Variants in VPS35L observed in about 807,000 individuals in gnomAD.
VPS35L encodes VPS35 endosomal protein-sorting factor-like.
A neutral mutation model predicts 133.0 loss-of-function variants in VPS35L; 83 were observed. That is an observed-to-expected ratio of 0.62 (90% CI 0.52 to 0.75). The LOEUF (loss-of-function observed/expected upper bound fraction) is 0.75, where lower values mean the gene tolerates loss of function less well. Ranked by LOEUF, VPS35L falls within the 30% of genes least tolerant of loss-of-function variation. VPS35L has a pLI of 0.00. For synonymous variants in VPS35L, 423 were observed against 449.9 expected (o/e 0.94, Z 0.76); for missense variants, 1,083 against 1,206.8 (o/e 0.90, Z 1.52).
intron 9 of VPS35L, among the ~76,000 whole-genome samples, chr16:19,605,315 T>C (rs73533749): frequency 0.025 from 3,801 of 152,322 alleles, 158 homozygotes; most frequent in African/African-American, 0.086. Flanking sequence ...TTCTTTGTTA[T>C]ATTGAAGTGT....
chr16:19,597,701 T>C (rs1052690239), intron 8 of VPS35L, among the ~76,000 whole-genome samples: 1 of 152,198 alleles, frequency 6.6e-6, no homozygotes, highest in African/African-American at 2.4e-5. Flanking sequence ...TTTAAGTCTA[T>C]TGTGAATAAT....
intron 21 of VPS35L, 82 bp downstream of exon 21, chr16:19,640,182 T>G: frequency 7.7e-7 from 1 of 1,302,116 alleles, no homozygotes; most frequent in South Asian, 1.3e-5. Flanking sequence ...TTCTTGCACT[T>G]TGAGGCCGAG....
At chr16:19,618,891 C>A (rs549816624) in intron 14 of VPS35L, among the ~76,000 whole-genome samples, 225 of 151,444 alleles carry the variant, frequency 1.5e-3, no homozygotes, top group African/African-American at 5.2e-3. Flanking sequence ...AGATTTGGGG[C>A]CAGCGTAACT....
At chr16:19,620,900 A>C (rs985470653) in intron 14 of VPS35L, among the ~76,000 whole-genome samples, 3 of 152,138 alleles carry the variant, frequency 2.0e-5, no homozygotes, top group Non-Finnish European at 4.4e-5. Context: ...GCAGTGAGCC[A>C]AGATCACACC....
chr16:19,692,133 C>T (rs1015339973), intron 29 of VPS35L, among the ~76,000 whole-genome samples: 1 of 152,140 alleles, frequency 6.6e-6, no homozygotes, highest in African/African-American at 2.4e-5. Context: ...ACCTCGGCCT[C>T]CCAAAGTGCT....
At chr16:19,682,434 A>T (rs370726004) in intron 28 of VPS35L, 44 bp downstream of exon 28, 1 of 1,577,100 alleles carries the variant, frequency 6.3e-7, no homozygotes, top group Non-Finnish European at 8.7e-7. Context: ...CATGGATTTC[A>T]TGAAAGGCAG....
At chr16:19,679,919 G>A (rs1422164363) in intron 27 of VPS35L, among the ~76,000 whole-genome samples, 4 of 152,176 alleles carry the variant, frequency 2.6e-5, no homozygotes, top group Admixed American at 6.5e-5. Flanking sequence ...ACACATTCAC[G>A]TTGGATATAA....
chr16:19,632,951 G>A (rs1567441124), intron 18 of VPS35L, 141 bp from the exon 19 acceptor site: 1 of 692,686 alleles, frequency 1.4e-6, no homozygotes, highest in South Asian at 1.7e-5. Flanking sequence ...CCTCCCTTCC[G>A]TTATTTTCAG....
In VPS35L at chr16:19,658,951, G is replaced by T. The variant is rs1184326557; in HGVS notation, c.2221+6861G>T. ...TTATTTTGCAGCTGGAGAAACTGAG[G>T]CTCAGGCGTGCTCAGGAACATCCAG... On this transcript the variant is annotated intron_variant, in intron 26 of 30. Coordinates refer to ENST00000417362, the MANE Select transcript of VPS35L (RefSeq NM_020314.7). Among the ~76,000 whole-genome samples the T allele has an allele frequency of 3.1e-5, 4 of 130,232 alleles. No individual in the cohort carries two copies. In the East Asian group the frequency reaches 8.6e-4, roughly 28 times the overall value. The allele number at this position is 130,232 out of a possible 152,430, so 85.4% of individuals were successfully genotyped here.
chr16:19,689,801 T>C (rs994326669), intron 28 of VPS35L, among the ~76,000 whole-genome samples: 10 of 152,200 alleles, frequency 6.6e-5, no homozygotes, highest in African/African-American at 2.4e-4. Context: ...ATAATATATA[T>C]AGGATTCAAT....
chr16:19,644,975 T>C (rs755763363), intron 23 of VPS35L, 26 bp downstream of exon 23: 13 of 1,485,872 alleles, frequency 8.7e-6, no homozygotes, highest in Non-Finnish European at 1.1e-5. Context: ...GAAGTTTCAG[T>C]GCACTTGGAA....
At chr16:19,573,839 T>A (rs747294314) in intron 4 of VPS35L, among the ~76,000 whole-genome samples, 12 of 152,130 alleles carry the variant, frequency 7.9e-5, no homozygotes, top group East Asian at 1.9e-4. Flanking sequence ...TTAATTAATT[T>A]AAAAAATGAA....
intron 8 of VPS35L, among the ~76,000 whole-genome samples, chr16:19,598,350 T>C (rs941107741): frequency 6.6e-6 from 1 of 152,246 alleles, no homozygotes; most frequent in Non-Finnish European, 1.5e-5. Flanking sequence ...TCTTTTAGTG[T>C]CTTTGATTTG....
chr16:19,700,248 C>G (rs1424574949), intron 30 of VPS35L, 130 bp from the exon 31 acceptor site: 3 of 733,104 alleles, frequency 4.1e-6, no homozygotes, highest in African/African-American at 1.8e-5. Flanking sequence ...TTCTTCCCTC[C>G]TCTCATCCCT....
rs540301415 is a variant in VPS35L, at chr16:19,555,704, G to C, written c.-26G>C. The C allele has an allele frequency of 2.5e-6, 4 of 1,608,634 alleles. No homozygotes were observed. The highest frequency in any genetic ancestry group is 3.4e-6 in the Non-Finnish European group (4 of 1,177,704). ...ATGGGAAGCCGAGCAGACGGCCCCA[G>C]AACAAGCGGTCATGTGACTGGGAAG... On this transcript the variant is annotated 5_prime_UTR_variant, in exon 1 of 31. Transcript: ENST00000417362.
intron 7 of VPS35L, among the ~76,000 whole-genome samples, chr16:19,584,641 AAAAG>A (rs1214011900): frequency 1.3e-5 from 2 of 151,656 alleles, no homozygotes; most frequent in African/African-American, 2.4e-5. Flanking sequence ...AAAAAAAAAA[AAAAG>A]AGTTTCCTTT....
chr16:19,676,097 C>G (rs1975054936), intron 27 of VPS35L, among the ~76,000 whole-genome samples: 1 of 152,128 alleles, frequency 6.6e-6, no homozygotes, highest in Admixed American at 6.5e-5. Flanking sequence ...ACTAAAAATA[C>G]AAAAGTCAGC....
At chr16:19,580,311 G>A (rs1230453383) in intron 6 of VPS35L, among the ~76,000 whole-genome samples, 1 of 148,202 alleles carries the variant, frequency 6.7e-6, no homozygotes, top group Non-Finnish European at 1.5e-5. Flanking sequence ...AGGGTTTCAC[G>A]ATGTTGACCA....
chr16:19,589,042 A>G (rs1653839641), intron 7 of VPS35L, among the ~76,000 whole-genome samples: 1 of 152,144 alleles, frequency 6.6e-6, no homozygotes, highest in African/African-American at 2.4e-5. Context: ...GCATCTTTTC[A>G]CATATTTATA....
Sources: allele counts gnomAD v4.1 joint callset (sites outside exome capture counted in the v4.1 genomes callset), GRCh38; gene constraint gnomAD v4.1.1; transcripts MANE v1.5; gene names NCBI Gene and HGNC (gene_info 2026-07-23, HGNC 2026-07-21).